The following FAR2 variants were observed in gnomAD, a reference collection of about 807,000 sequenced individuals.
The protein encoded by FAR2 is fatty acyl-CoA reductase 2, also known as epididymis secretory protein Li 81.
A neutral mutation model predicts 56.0 loss-of-function variants in FAR2; 19 were observed. The observed-to-expected ratio is 0.34, with a 90% CI of 0.24 to 0.50. The LOEUF (loss-of-function observed/expected upper bound fraction) is 0.50. FAR2 is among the 20% of genes least tolerant of loss of function. FAR2 has a pLI of 0.98. For synonymous variants in FAR2, 219 were observed against 218.8 expected (o/e 1.00, Z -0.01); for missense variants, 508 against 642.2 (o/e 0.79, Z 2.26).
At chr12:29,329,827 A>G (rs1295528766) in intron 10 of FAR2, among the ~76,000 whole-genome samples, 2 of 152,144 alleles carry the variant, frequency 1.3e-5, no homozygotes, top group Non-Finnish European at 2.9e-5. Flanking sequence ...AAAATGCAAA[A>G]CCAAGGAAAA....
chr12:29,186,529 T>C (rs1449737408), intron 1 of FAR2, among the ~76,000 whole-genome samples: 1 of 152,226 alleles, frequency 6.6e-6, no homozygotes, highest in African/African-American at 2.4e-5. Context: ...TTCTCTGATC[T>C]TTAAGGAGTT....
At chr12:29,264,616 A>AAAT (rs1948479314) in intron 1 of FAR2, among the ~76,000 whole-genome samples, 1 of 130,090 alleles carries the variant, frequency 7.7e-6, no homozygotes, top group African/African-American at 3.0e-5. Context: ...ATCCTGTCTC[A>AAAT]AAATAAATAA....
At chr12:29,241,610 T>C in intron 1 of FAR2, among the ~76,000 whole-genome samples, 1 of 152,228 alleles carries the variant, frequency 6.6e-6, no homozygotes, top group East Asian at 1.9e-4. Context: ...AACCTGACAA[T>C]GTTCTCAATG....
chr12:29,288,692 G>C (rs753742413), intron 2 of FAR2, among the ~76,000 whole-genome samples: 1 of 152,074 alleles, frequency 6.6e-6, no homozygotes, highest in Non-Finnish European at 1.5e-5. Flanking sequence ...TAATATAGAG[G>C]ACTCAGGAAA....
chr12:29,172,545 G>A lies in FAR2; in HGVS notation c.-39+23138G>A, dbSNP rs554327791. Among the ~76,000 whole-genome samples, 9 of 152,044 alleles carry A rather than the reference G, an allele frequency of 5.9e-5. No homozygotes were observed. In the South Asian group the frequency reaches 1.5e-3, roughly 25 times the overall value. Reference sequence around the variant, plus strand: ...TCCTCTGATCTCGCTTTTCCTTTTCGGCCTGTTCCCCTGGTCCCTATTATA... The same window carrying A: ...TCCTCTGATCTCGCTTTTCCTTTTCAGCCTGTTCCCCTGGTCCCTATTATA... On this transcript the variant is annotated intron_variant, in intron 1 of 11. Coordinates refer to ENST00000536681, the MANE Select transcript of FAR2 (RefSeq NM_001271783.2).
rs540106991 is a variant in FAR2, at chr12:29,236,323, G to A, written c.-38-34089G>A. ...GAATTACCCTCAACCATTTGAAGCA[G>A]CAAATTACACCCTAAGCCAAAGAAG... On this transcript the variant is annotated intron_variant, in intron 1 of 11. Coordinates refer to ENST00000536681, the MANE Select transcript of FAR2 (RefSeq NM_001271783.2). Among the ~76,000 whole-genome samples the A allele has an allele frequency of 2.0e-5, 3 of 152,258 alleles. No homozygotes were observed. The South Asian group carries it at 6.2e-4, about 32-fold the overall frequency.
intron 1 of FAR2, among the ~76,000 whole-genome samples, chr12:29,199,561 C>A (rs1342692986): frequency 6.8e-6 from 1 of 148,102 alleles, no homozygotes; most frequent in Non-Finnish European, 1.5e-5. Flanking sequence ...GATCGCTCCA[C>A]TGCGCTCCAG....
chr12:29,281,866 A>G (rs1042461686), intron 2 of FAR2, among the ~76,000 whole-genome samples: 1 of 152,166 alleles, frequency 6.6e-6, no homozygotes, highest in African/African-American at 2.4e-5. Context: ...GGAAAAGTTA[A>G]AGGAAAAAAA....
chr12:29,235,716 A>G (rs961260028), intron 1 of FAR2, among the ~76,000 whole-genome samples: 4 of 152,176 alleles, frequency 2.6e-5, no homozygotes, highest in African/African-American at 9.7e-5. Flanking sequence ...CCTACAGTGC[A>G]CAGACATTGT....
intron 10 of FAR2, among the ~76,000 whole-genome samples, chr12:29,326,656 T>A (rs1271679189): frequency 6.6e-6 from 1 of 152,206 alleles, no homozygotes; most frequent in Non-Finnish European, 1.5e-5. Context: ...ATAAACCACA[T>A]GATTAGCTCA....
intron 1 of FAR2, among the ~76,000 whole-genome samples, chr12:29,197,328 TAC>T (rs1262226655): frequency 1.3e-5 from 2 of 152,192 alleles, no homozygotes; most frequent in Non-Finnish European, 2.9e-5. Context: ...TAAAGAGATG[TAC>T]AGTCTTACAC....
rs187849436 is a variant in FAR2, at chr12:29,278,274, A to G, written c.189+7636A>G. Among the ~76,000 whole-genome samples the G allele has an allele frequency of 8.6e-4, 131 of 151,924 alleles. 2 individuals carry two copies. The highest frequency in any genetic ancestry group is 2.3e-3 in the South Asian group (11 of 4,814). ...TTTTAATAAAATATGTTTATATTTA[A>G]TAAGATATATTTATACAAATTTTCA... On this transcript the variant is annotated intron_variant, in intron 2 of 11. Coordinates refer to ENST00000536681, the MANE Select transcript of FAR2 (RefSeq NM_001271783.2).
intron 1 of FAR2, among the ~76,000 whole-genome samples, chr12:29,262,354 G>A (rs139193291): frequency 7.8e-4 from 119 of 152,248 alleles, no homozygotes; most frequent in Non-Finnish European, 9.4e-4. Context: ...ATTAAGGCTT[G>A]GCGTGGTGGC....
At chr12:29,282,846 G>T (rs1280161772) in intron 2 of FAR2, among the ~76,000 whole-genome samples, 2 of 152,046 alleles carry the variant, frequency 1.3e-5, no homozygotes, top group African/African-American at 2.4e-5. Flanking sequence ...AAATCCATTG[G>T]CCACAGAGAA....
chr12:29,155,351 T>C (rs960367296), intron 1 of FAR2, among the ~76,000 whole-genome samples: 2 of 152,144 alleles, frequency 1.3e-5, no homozygotes, highest in African/African-American at 4.8e-5. Context: ...TATATCCACT[T>C]CCTGGATCCC....
chr12:29,253,380 T>G (rs1377463491), intron 1 of FAR2, among the ~76,000 whole-genome samples: 1 of 145,686 alleles, frequency 6.9e-6, no homozygotes, highest in Non-Finnish European at 1.5e-5. Flanking sequence ...TCTATCTAGA[T>G]AGATAGATAG....
intron 1 of FAR2, among the ~76,000 whole-genome samples, chr12:29,264,719 G>C (rs549036639): frequency 1.3e-5 from 2 of 151,760 alleles, no homozygotes; most frequent in Middle Eastern, 3.4e-3. Context: ...AGCTAAATTG[G>C]AAAGGAAGAA....
intron 2 of FAR2, among the ~76,000 whole-genome samples, chr12:29,291,867 C>G (rs1344840132): frequency 6.6e-6 from 1 of 152,136 alleles, no homozygotes; most frequent in Admixed American, 6.5e-5. Flanking sequence ...AAATGGAATC[C>G]TCATTTAGTA....
intron 1 of FAR2, among the ~76,000 whole-genome samples, chr12:29,233,471 A>G (rs1052121938): frequency 5.3e-5 from 8 of 152,228 alleles, no homozygotes; most frequent in Non-Finnish European, 1.0e-4. Context: ...AAAAGAAAAT[A>G]GTAGCCTTAA....
Sources: gnomAD v4.1 joint callset for allele counts (sites outside exome capture counted in the v4.1 genomes callset) on GRCh38, gnomAD v4.1.1 for gene constraint, MANE v1.5 for transcripts, NCBI Gene and HGNC (gene_info 2026-07-23, HGNC 2026-07-21) for gene names.